MAGI2: variants seen among roughly 807,000 people sequenced by gnomAD.
MAGI2 encodes membrane-associated guanylate kinase, WW and PDZ domain-containing protein 2.
MAGI2 carries 35 observed loss-of-function variants against 133.3 expected under a neutral mutation model. The observed-to-expected ratio is 0.26, with a 90% CI of 0.20 to 0.35. The LOEUF is 0.35. Among genes scored for constraint, MAGI2 ranks in the 10% least tolerant of loss-of-function variants. The pLI, the probability that MAGI2 is intolerant of heterozygous loss-of-function variation, is 1.00. For missense variants in MAGI2, 1,636 were observed against 1,863.4 expected (o/e 0.88, Z 2.25); for synonymous variants, 729 against 710.6 (o/e 1.03, Z -0.41).
intron 1 of MAGI2, among the ~76,000 whole-genome samples, chr7:79,045,987 T>C (rs888899351): frequency 3.9e-5 from 6 of 152,160 alleles, no homozygotes; most frequent in African/African-American, 1.4e-4. Flanking sequence ...TGTACTATAA[T>C]AGCGTAAGTT....
At chr7:78,586,489 G>A (rs1436359215) in intron 3 of MAGI2, among the ~76,000 whole-genome samples, 3 of 151,992 alleles carry the variant, frequency 2.0e-5, no homozygotes, top group African/African-American at 7.2e-5. Context: ...GTAAATTCAA[G>A]TCTGGGCAAT....
chr7:78,093,136 CAAAA>C (rs1157039018), intron 20 of MAGI2, among the ~76,000 whole-genome samples: 2 of 32,322 alleles, frequency 6.2e-5, no homozygotes, highest in South Asian at 1.7e-3. Flanking sequence ...ACTCCTTCTC[CAAAA>C]AAAAAAAAAA....
intron 2 of MAGI2, among the ~76,000 whole-genome samples, chr7:78,773,110 G>A (rs1049307712): frequency 1.3e-5 from 2 of 152,098 alleles, no homozygotes; most frequent in African/African-American, 4.8e-5. Context: ...CAGATAATTT[G>A]TGAGCTTTAA....
intron 2 of MAGI2, among the ~76,000 whole-genome samples, chr7:78,689,112 T>C (rs921117469): frequency 6.6e-6 from 1 of 152,228 alleles, no homozygotes; most frequent in Non-Finnish European, 1.5e-5. Context: ...TACAAAGCAG[T>C]GTTAACCATA....
At chr7:78,363,357 G>A (rs751061329) in intron 7 of MAGI2, among the ~76,000 whole-genome samples, 2 of 152,150 alleles carry the variant, frequency 1.3e-5, no homozygotes, top group Admixed American at 6.5e-5. Flanking sequence ...GCAGGGCGCG[G>A]TGGCGGGTGC....
rs535131991 is a variant in MAGI2 at position 79,225,836 on chromosome 7, A to T, written c.302-218630T>A. Among the ~76,000 whole-genome samples, 6 of 152,286 alleles carry T rather than the reference A, an allele frequency of 3.9e-5. No individual in the cohort carries two copies. The South Asian group carries it at 1.0e-3, about 26-fold the overall frequency. ...TGTTTTGTAATATTCTAAACTGCTG[A>T]CCCTATCTTCTTTCCAGAGACAGGA... On this transcript the variant is annotated intron_variant, in intron 1 of 21. Coordinates refer to ENST00000354212, the MANE Select transcript of MAGI2 (RefSeq NM_012301.4).
At chr7:78,680,476 T>C (rs1213992583) in intron 2 of MAGI2, among the ~76,000 whole-genome samples, 1 of 152,068 alleles carries the variant, frequency 6.6e-6, no homozygotes, top group Non-Finnish European at 1.5e-5. Context: ...AAGAACAGGA[T>C]TGAGAAAGAG....
At chr7:78,731,327 C>G (rs1225345926) in intron 2 of MAGI2, among the ~76,000 whole-genome samples, 1 of 152,114 alleles carries the variant, frequency 6.6e-6, no homozygotes, top group Non-Finnish European at 1.5e-5. Context: ...TCTGTGTCTA[C>G]TTTATTGATC....
intron 1 of MAGI2, among the ~76,000 whole-genome samples, chr7:79,361,768 G>T (rs1842391170): frequency 6.6e-6 from 1 of 151,752 alleles, no homozygotes; most frequent in African/African-American, 2.4e-5. Flanking sequence ...AATCAAACTA[G>T]AATTCAAAAA....
At chr7:78,387,816 C>T (rs1389208929) in intron 6 of MAGI2, among the ~76,000 whole-genome samples, 4 of 151,980 alleles carry the variant, frequency 2.6e-5, no homozygotes, top group African/African-American at 9.7e-5. Flanking sequence ...GTTGCAGCTA[C>T]TCAGGAGGCT....
chr7:78,572,530 A>G (rs1801608124), intron 3 of MAGI2, among the ~76,000 whole-genome samples: 1 of 152,166 alleles, frequency 6.6e-6, no homozygotes, highest in Admixed American at 6.5e-5. Flanking sequence ...GTATATTCAC[A>G]TATTTTAGAC....
intron 9 of MAGI2, among the ~76,000 whole-genome samples, chr7:78,299,734 C>A (rs544071955): frequency 6.6e-6 from 1 of 152,094 alleles, no homozygotes; most frequent in Non-Finnish European, 1.5e-5. Context: ...ACTAGCTATT[C>A]TTCCTGATCC....
intron 2 of MAGI2, among the ~76,000 whole-genome samples, chr7:78,884,763 G>T (rs1230374080): frequency 6.6e-6 from 1 of 152,092 alleles, no homozygotes; most frequent in Non-Finnish European, 1.5e-5. Context: ...GCAGTTTGGG[G>T]ATCTCTCAAA....
At chr7:78,223,105 C>T (rs908036374) in intron 10 of MAGI2, among the ~76,000 whole-genome samples, 2 of 152,174 alleles carry the variant, frequency 1.3e-5, no homozygotes, top group African/African-American at 4.8e-5. Flanking sequence ...CTGCTCCTGT[C>T]TCTGTCTGTT....
intron 2 of MAGI2, among the ~76,000 whole-genome samples, chr7:78,995,504 T>C (rs747137756): frequency 1.3e-5 from 2 of 152,106 alleles, no homozygotes; most frequent in Non-Finnish European, 2.9e-5. Flanking sequence ...AAGATGAAAA[T>C]AACTGACTTG....
rs114695714 is a variant in MAGI2, at chr7:79,405,311, C to T, written c.301+47709G>A. Among the ~76,000 whole-genome samples the T allele has an allele frequency of 9.2e-5, 14 of 152,212 alleles. No individual in the cohort carries two copies. The South Asian group carries it at 2.7e-3, about 29-fold the overall frequency. On this transcript the variant is annotated intron_variant, in intron 1 of 21. Coordinates refer to ENST00000354212, the MANE Select transcript of MAGI2 (RefSeq NM_012301.4). The stretch of plus-strand genomic sequence containing the variant: ...AAGGAGGCCAAAGGGTTTAGCTGTT[C>T]AAAATGTTATCATTCATAAAGTAAA...
intron 6 of MAGI2, among the ~76,000 whole-genome samples, chr7:78,487,619 T>C (rs1793174249): frequency 6.6e-6 from 1 of 152,028 alleles, no homozygotes. Flanking sequence ...AGCTGAAAAC[T>C]CTGGTGGCCA....
Position 78,398,680 on chromosome 7 carries a change from C to T in MAGI2, c.1046-29467G>A, listed in dbSNP as rs570980709. 6.8e-4 allele frequency among the ~76,000 whole-genome samples: 104 copies of T among 152,038 alleles called. 1 individual carries two copies. Among genetic ancestry groups the T allele is most frequent in the African/African-American group, 2.2e-3 (93 of 41,480 alleles). On this transcript the variant is annotated intron_variant, in intron 6 of 21. Transcript: ENST00000354212. ...GAAACGTAGTAAGAAAGGTAGGGCC[C>T]CAACTCTCAGTCTTGGTGGAAAGGT...
At chr7:78,050,996 G>T (rs1227480021) in intron 21 of MAGI2, among the ~76,000 whole-genome samples, 1 of 152,176 alleles carries the variant, frequency 6.6e-6, no homozygotes, top group Non-Finnish European at 1.5e-5. Context: ...AGAAGCTAGT[G>T]GTCTCCTGGC....
Sources: gnomAD v4.1 joint callset for allele counts (sites outside exome capture counted in the v4.1 genomes callset) on GRCh38, gnomAD v4.1.1 for gene constraint, MANE v1.5 for transcripts, NCBI Gene and HGNC (gene_info 2026-07-23, HGNC 2026-07-21) for gene names.